Variants in TERB1 observed in about 807,000 individuals in gnomAD.
TERB1 encodes telomere repeat binding bouquet formation protein 1, also known as telomere repeats-binding bouquet formation protein 1.
In TERB1, 63 loss-of-function variants were observed where a neutral mutation model predicts 92.3. That is an observed-to-expected ratio of 0.68 (90% CI 0.56 to 0.84). The LOEUF (loss-of-function observed/expected upper bound fraction) is 0.84. Among genes scored for constraint, TERB1 ranks in the 40% least tolerant of loss-of-function variants. TERB1 has a pLI of 0.00. For missense variants in TERB1, 709 were observed against 843.7 expected (o/e 0.84, Z 1.98); for synonymous variants, 252 against 283.9 (o/e 0.89, Z 1.13).
At position 66,784,218 on chromosome 16, in the gene TERB1, T is replaced by C. The variant is rs560813680; in HGVS notation, c.700+1568A>G. Among the ~76,000 whole-genome samples the C allele has an allele frequency of 1.5e-4, 22 of 146,166 alleles. 1 individual carries two copies. In the South Asian group the frequency reaches 5.0e-3, roughly 33 times the overall value. ...TCAAAGAATTAGCTCATGTTTCAAT[T>C]ATTTTTCTCTATTTCACGATTTCTA... is the stretch of plus-strand genomic sequence containing the variant. On this transcript the variant is annotated intron_variant, in intron 9 of 18. Transcript: ENST00000433154.
At position 66,786,244 on chromosome 16, in the gene TERB1, C is replaced by T. The variant is rs750981437; in HGVS notation, c.442G>A (p.Val148Ile). The T allele has an allele frequency of 5.8e-6, 9 of 1,549,532 alleles. No homozygotes were observed. Residue 148 changes from valine to isoleucine, a missense_variant, in exon 7 of 19, where the codon GTT (valine) becomes ATT (isoleucine). Transcript: ENST00000433154. ...GTTTACCTGAATAACCGTGACAGAA[C>T]TGTAATACAACCTGTTTCTCTCACA... ...TLVRETGCIT[V>I]LSRLFRTVIS...
At chr16:66,799,876 AAGG>A (rs1398953672) in intron 2 of TERB1, among the ~76,000 whole-genome samples, 1 of 152,220 alleles carries the variant, frequency 6.6e-6, no homozygotes, top group Non-Finnish European at 1.5e-5. Flanking sequence ...TGCCACAAAC[AAGG>A]AGATTTCAAA....
chr16:66,762,103 T>C (rs2018261535), intron 16 of TERB1, among the ~76,000 whole-genome samples: 2 of 152,218 alleles, frequency 1.3e-5, no homozygotes, highest in South Asian at 4.1e-4. Flanking sequence ...CAAGAGTCCC[T>C]GTTAAGGGAA....
chr16:66,764,305 C>G (rs1215935669), intron 16 of TERB1, among the ~76,000 whole-genome samples: 3 of 152,118 alleles, frequency 2.0e-5, no homozygotes, highest in African/African-American at 7.2e-5. Flanking sequence ...GAATAATGAG[C>G]TGTTGGGATA....
chr16:66,774,340 C>T (rs998981895), intron 12 of TERB1, among the ~76,000 whole-genome samples: 11 of 152,076 alleles, frequency 7.2e-5, no homozygotes, highest in Admixed American at 7.2e-4. Context: ...CGTCTGCCAA[C>T]ACGCCCGGCT....
intron 16 of TERB1, 150 bp from the exon 17 acceptor site, chr16:66,759,440 A>T: frequency 3.3e-6 from 2 of 609,472 alleles, no homozygotes; most frequent in Non-Finnish European, 5.6e-6. Flanking sequence ...GGGAGTAAAG[A>T]CAACAAATAC....
intron 18 of TERB1, among the ~76,000 whole-genome samples, chr16:66,756,698 C>T (rs557867908): frequency 6.6e-6 from 1 of 152,030 alleles, no homozygotes; most frequent in African/African-American, 2.4e-5. Context: ...CATGTAAAGC[C>T]CCACTTTTCC....
chr16:66,781,841 GT>G (rs2018643804), intron 9 of TERB1, among the ~76,000 whole-genome samples: 3 of 151,998 alleles, frequency 2.0e-5, no homozygotes, highest in Non-Finnish European at 1.5e-5. Context: ...TCAGATAAAT[GT>G]TTCTTAAATA....
At chr16:66,769,084 A>T (rs549478446) in intron 14 of TERB1, among the ~76,000 whole-genome samples, 1 of 151,762 alleles carries the variant, frequency 6.6e-6, no homozygotes, top group African/African-American at 2.4e-5. Flanking sequence ...CAGCCTGGGC[A>T]ACAAGAGCGA....
rs147026916 is a variant in TERB1, at chr16:66,789,861, T to C, written c.271+734A>G. 9.7e-4 allele frequency among the ~76,000 whole-genome samples: 147 copies of C among 151,722 alleles called. No individual in the cohort carries two copies. In the East Asian group the frequency reaches 0.025, roughly 26 times the overall value. ...AGTAGCTGGGACCACAGGTGCACAC[T>C]ACCATGCCTGGCTGATTATTTGTAT... On this transcript the variant is annotated intron_variant, in intron 5 of 18. Transcript: ENST00000433154.
At chr16:66,779,667 G>C (rs971474390) in intron 9 of TERB1, among the ~76,000 whole-genome samples, 1 of 151,890 alleles carries the variant, frequency 6.6e-6, no homozygotes, top group African/African-American at 2.4e-5. Flanking sequence ...TATTAAACAA[G>C]TCTTTCAATA....
rs1253469647 is a variant in TERB1, at chr16:66,798,187, T to TTTG, written c.-32-1358_-32-1357insCAA. Among the ~76,000 whole-genome samples the TTTG allele has an allele frequency of 2.0e-5, 3 of 151,416 alleles. No homozygotes were observed. The East Asian group carries it at 5.8e-4, about 29-fold the overall frequency. On this transcript the variant is annotated intron_variant, in intron 2 of 18. Transcript: ENST00000433154. ...TACAAGTATATTATTTTTGCCTTTT[T>TTTG]TTTTTTTTAAGAGATAGGGTCTCAA...
At chr16:66,793,527 T>G (rs1479876311) in intron 3 of TERB1, among the ~76,000 whole-genome samples, 1 of 151,878 alleles carries the variant, frequency 6.6e-6, no homozygotes, top group African/African-American at 2.4e-5. Context: ...CTGGTTTTTT[T>G]TTGAAATGGA....
chr16:66,784,953 C>T (rs2018702406), intron 9 of TERB1, among the ~76,000 whole-genome samples: 1 of 150,384 alleles, frequency 6.6e-6, no homozygotes. Context: ...AAACTCCTGA[C>T]CTCAAGCGAT....
chr16:66,767,351 AAAT>A, intron 16 of TERB1, 61 bp downstream of exon 16: 2 of 1,009,990 alleles, frequency 2.0e-6, no homozygotes, highest in Non-Finnish European at 1.5e-6. Context: ...AAAAAAAAAA[AAAT>A]TCTAGTTAAT....
At chr16:66,796,876 T>C in intron 2 of TERB1, 46 bp from the exon 3 acceptor site, 2 of 1,051,348 alleles carry the variant, frequency 1.9e-6, no homozygotes, top group Non-Finnish European at 2.8e-6. Context: ...TGTTTGAGAA[T>C]GGCAAAGATA....
chr16:66,801,285 A>G (rs1351032214), intron 1 of TERB1, among the ~76,000 whole-genome samples, 183 bp downstream of exon 1: 1 of 152,126 alleles, frequency 6.6e-6, no homozygotes, highest in Non-Finnish European at 1.5e-5. Flanking sequence ...ACGTCTCTAA[A>G]TGGTGCATCA....
chr16:66,801,358 C>T (rs1265130971), intron 1 of TERB1, 110 bp downstream of exon 1: 1 of 152,348 alleles, frequency 6.6e-6, no homozygotes, highest in Non-Finnish European at 1.5e-5. Flanking sequence ...GGCACCTGCT[C>T]ATAAAGGCCC....
rs376145995 is a variant in TERB1, at chr16:66,761,451, C to CAAAAA, written c.1781-2166_1781-2162dup. On this transcript the variant is annotated intron_variant, in intron 16 of 18. Coordinates refer to ENST00000433154, the MANE Select transcript of TERB1 (RefSeq NM_001136505.2). Reference sequence around the variant, plus strand: ...TGGGTGACAGAACAAGACTCTGTCTCAAAAAAAAAAAAAAAAAGAAAGAAA... The same window carrying CAAAAA: ...TGGGTGACAGAACAAGACTCTGTCTCAAAAAAAAAAAAAAAAAAAAAAGAAAGAAA... Among the ~76,000 whole-genome samples the CAAAAA allele has an allele frequency of 2.3e-4, 25 of 107,050 alleles. 1 individual carries two copies. Among genetic ancestry groups the CAAAAA allele is most frequent in the South Asian group, 6.8e-4 (2 of 2,958 alleles). The allele number at this position is 107,050 out of a possible 152,430, so 70.2% of individuals were successfully genotyped here.
Sources: gnomAD v4.1 joint callset for allele counts (sites outside exome capture counted in the v4.1 genomes callset) on GRCh38, gnomAD v4.1.1 for gene constraint, MANE v1.5 for transcripts, NCBI Gene and HGNC (gene_info 2026-07-23, HGNC 2026-07-21) for gene names.